The following KCNG4 variants were observed in gnomAD, a reference collection of about 807,000 sequenced individuals.
The protein encoded by KCNG4 is potassium voltage-gated channel modifier subfamily G member 4, also known as voltage-gated potassium channel regulatory subunit KCNG4.
KCNG4 carries 30 observed loss-of-function variants against 28.2 expected under a neutral mutation model. That is an observed-to-expected ratio of 1.06 (90% CI 0.80 to 1.44). The LOEUF (loss-of-function observed/expected upper bound fraction) is 1.44. Among genes scored for constraint, KCNG4 ranks in the 40% most tolerant of loss-of-function variants. The pLI, the probability that KCNG4 is intolerant of heterozygous loss-of-function variation, is 0.00. For synonymous variants in KCNG4, 375 were observed against 315.5 expected (o/e 1.19, Z -2.00); for missense variants, 879 against 712.3 (o/e 1.23, Z -2.66).
chr16:84,229,090 G>A (rs1597618206), intron 2 of KCNG4, among the ~76,000 whole-genome samples: 1 of 152,072 alleles, frequency 6.6e-6, no homozygotes, highest in African/African-American at 2.4e-5. Flanking sequence ...CTTGAGGCAA[G>A]GGAGTTTGAG....
chr16:84,223,881 G>A (rs1416665435), intron 2 of KCNG4, among the ~76,000 whole-genome samples: 1 of 152,144 alleles, frequency 6.6e-6, no homozygotes, highest in Non-Finnish European at 1.5e-5. Flanking sequence ...GAAGGCTGGT[G>A]GGGCAGAGAG....
intron 2 of KCNG4, among the ~76,000 whole-genome samples, chr16:84,234,029 C>T (rs903748885): frequency 1.5e-4 from 23 of 152,312 alleles, no homozygotes; most frequent in Admixed American, 3.3e-4. Context: ...GCCAGCCTCA[C>T]GAGCGGCACT....
At chr16:84,229,260 T>A (rs1489540917) in intron 2 of KCNG4, among the ~76,000 whole-genome samples, 1 of 144,760 alleles carries the variant, frequency 6.9e-6, no homozygotes. Context: ...ACCATTGCAC[T>A]CCAGCCTGGG....
intron 2 of KCNG4, among the ~76,000 whole-genome samples, chr16:84,234,275 C>T (rs556233653): frequency 5.3e-4 from 81 of 152,256 alleles, no homozygotes; most frequent in Non-Finnish European, 1.0e-3. Context: ...CGGGTTCAAG[C>T]GATTCTCCTG....
intron 2 of KCNG4, 119 bp from the exon 3 acceptor site, chr16:84,223,139 C>T (rs971663074): frequency 3.8e-6 from 3 of 787,070 alleles, no homozygotes; most frequent in Non-Finnish European, 5.9e-6. Flanking sequence ...CCACCAGAAC[C>T]TCCTTTTACA....
At position 84,222,204 on chromosome 16, in the gene KCNG4, G is replaced by T; in HGVS notation, c.*13C>A. On this transcript the variant is annotated 3_prime_UTR_variant, in exon 3 of 3. Transcript: ENST00000308251. ...TGGGTTGAGGTTACCATGTAGTCAT[G>T]GGGGGTGCTGAGTTACATGTGCATG... is the stretch of plus-strand genomic sequence containing the variant. 1.2e-6 allele frequency: 2 copies of T among 1,611,974 alleles called. No individual in the cohort carries two copies. The highest frequency in any genetic ancestry group is 1.7e-6 in the Non-Finnish European group (2 of 1,178,562).
rs749609531 is a variant in KCNG4 at position 84,222,502 on chromosome 16, C to T, written c.1275G>A (p.Val425=). 6 of 1,613,266 alleles carry T rather than the reference C, an allele frequency of 3.7e-6. No individual in the cohort carries two copies. In the East Asian group the frequency reaches 1.3e-4, roughly 36 times the overall value. The change falls in exon 3 of 3, where the codon GTG becomes GTA. Residue 425 remains valine (V), a synonymous_variant. Coordinates refer to ENST00000308251, the MANE Select transcript of KCNG4 (RefSeq NM_172347.3). ...SMTTVGYGDM[V]PRSVPGQMVA... is the part of the protein sequence containing the mutation. ...CCATCTGGCCTGGCACACTGCGGGG[C>T]ACCATGTCCCCGTAGCCCACCGTTG...
rs571508430 is a variant in KCNG4, at chr16:84,237,757, G to C, written c.-40-232C>G. ...TGGTGGAACCTCTACCGACATCTCA[G>C]AAGGATGTCTCCAGAATAGACGTTG... is the stretch of plus-strand genomic sequence containing the variant. On this transcript the variant is annotated intron_variant, in intron 1 of 2. Transcript: ENST00000308251. 9.3e-4 allele frequency among the ~76,000 whole-genome samples: 142 copies of C among 152,316 alleles called. 2 individuals are homozygous for C. The highest frequency in any genetic ancestry group is 3.3e-3 in the African/African-American group (139 of 41,578).
rs145200372 is a variant in KCNG4 at position 84,226,410 on chromosome 16, C to A, written c.757-3390G>T. ...AGCTTTCTGGGGTCACAGAAATATT[C>A]TATACTCACAGGGGAGAGGCTGACA... On this transcript the variant is annotated intron_variant, in intron 2 of 2. Transcript: ENST00000308251. This position sits in a 1 kb window ranked among gnomAD's most constrained non-coding sequence, Gnocchi z 4.1. Among the ~76,000 whole-genome samples, 282 of 152,224 alleles carry A rather than the reference C, an allele frequency of 1.9e-3. 1 individual carries two copies. The highest frequency in any genetic ancestry group is 6.8e-3 in the Middle Eastern group (2 of 294).
At chr16:84,227,025 A>AC (rs948362982) in intron 2 of KCNG4, among the ~76,000 whole-genome samples, 12 of 152,080 alleles carry the variant, frequency 7.9e-5, no homozygotes, top group Non-Finnish European at 1.6e-4. Flanking sequence ...AAAAAAAAAA[A>AC]GGATAATCAA....
intron 1 of KCNG4, among the ~76,000 whole-genome samples, 173 bp downstream of exon 1, chr16:84,239,497 A>T (rs1234340907): frequency 6.6e-6 from 1 of 152,158 alleles, no homozygotes; most frequent in African/African-American, 2.4e-5. Context: ...GAATAAACCC[A>T]ATTTTGCCAT....
At chr16:84,225,712 TCCTCCTG>T (rs1222905274) in intron 2 of KCNG4, among the ~76,000 whole-genome samples, 1 of 152,244 alleles carries the variant, frequency 6.6e-6, no homozygotes, top group African/African-American at 2.4e-5. Flanking sequence ...TGCCAGGTCC[TCCTCCTG>T]CCTGTGGGGC....
Position 84,222,834 on chromosome 16 carries a change from C to T in KCNG4, c.943G>A (p.Glu315Lys). 1.2e-6 allele frequency: 2 copies of T among 1,610,834 alleles called. No homozygotes were observed. Among genetic ancestry groups the T allele is most frequent in the Non-Finnish European group, 1.7e-6 (2 of 1,177,560 alleles). ...GGCCTCTCGCCGTCCTCCGGGGGCTCCTCAGACACCGCCAGCGACACGTAG... is the reference window on the plus strand; with the variant it reads ...GGCCTCTCGCCGTCCTCCGGGGGCTTCTCAGACACCGCCAGCGACACGTAG... Reference protein sequence around the residue: ...PYYVSLAVSEEPPEDGERPSG... With the variant: ...PYYVSLAVSEKPPEDGERPSG... Residue 315 changes from glutamate (E) to lysine (K), a missense_variant, in exon 3 of 3, where the codon GAG (glutamate) becomes AAG (lysine). Coordinates refer to ENST00000308251, the MANE Select transcript of KCNG4 (RefSeq NM_172347.3).
At chr16:84,239,515 T>C (rs1434876402) in intron 1 of KCNG4, among the ~76,000 whole-genome samples, 155 bp downstream of exon 1, 2 of 152,162 alleles carry the variant, frequency 1.3e-5, no homozygotes, top group Non-Finnish European at 2.9e-5. Flanking sequence ...CATCTACGGC[T>C]CTCCAAACAG....
rs1904601476 is a variant in KCNG4, at chr16:84,222,727, C to T, written c.1050G>A (p.Leu350=). ...TCTGCAGCCCCAGCGAGTGGCGAGCCAGGCGCATCACGTAGAGGATGCGCA... is the reference window on the plus strand; with the variant it reads ...TCTGCAGCCCCAGCGAGTGGCGAGCTAGGCGCATCACGTAGAGGATGCGCA... ...RALRILYVMR[L]ARHSLGLQTL... Residue 350 remains leucine, a synonymous_variant, in exon 3 of 3, where the codon CTG becomes CTA. Coordinates refer to ENST00000308251, the MANE Select transcript of KCNG4 (RefSeq NM_172347.3). 6.2e-7 allele frequency: 1 copy of T among 1,612,970 alleles called. No individual in the cohort carries two copies. The highest frequency in any genetic ancestry group is 8.5e-7 in the Non-Finnish European group (1 of 1,179,604).
At chr16:84,225,262 CAGA>C (rs1322789137) in intron 2 of KCNG4, among the ~76,000 whole-genome samples, 3 of 151,832 alleles carry the variant, frequency 2.0e-5, no homozygotes, top group African/African-American at 7.3e-5. Flanking sequence ...CTGAAGGGCT[CAGA>C]AGTTTTGGGT....
At chr16:84,234,544 G>A (rs549955183) in intron 2 of KCNG4, among the ~76,000 whole-genome samples, 16 of 152,268 alleles carry the variant, frequency 1.1e-4, no homozygotes, top group East Asian at 9.6e-4. Context: ...GCCAACGGAC[G>A]TTGCTATGAG....
chr16:84,230,612 C>T (rs924718842), intron 2 of KCNG4, among the ~76,000 whole-genome samples: 1 of 152,150 alleles, frequency 6.6e-6, no homozygotes, highest in Non-Finnish European at 1.5e-5. Flanking sequence ...TGCCTTCCTT[C>T]CCCTGCCCTC....
chr16:84,235,941 G>A (rs1026368723), intron 2 of KCNG4: 4 of 152,072 alleles, frequency 2.6e-5, no homozygotes, highest in Admixed American at 2.6e-4. Context: ...CAGACCATCT[G>A]GCTCCCGAGT....
Sources: gnomAD v4.1 joint callset for allele counts (sites outside exome capture counted in the v4.1 genomes callset) on GRCh38, gnomAD v4.1.1 for gene constraint, Gnocchi (gnomAD v3.1) non-coding constraint, MANE v1.5 for transcripts, NCBI Gene and HGNC (gene_info 2026-07-23, HGNC 2026-07-21) for gene names.